MCUB: variants seen among roughly 807,000 people sequenced by gnomAD.
MCUB encodes the protein mitochondrial calcium uniporter dominant negative subunit beta, also known as calcium uniporter regulatory subunit MCUb, mitochondrial.
Under a neutral mutation model 41.4 loss-of-function variants are expected in MCUB, and 46 were observed. The ratio of observed to expected loss-of-function variants is 1.11; its 90% CI spans 0.88 to 1.42. The LOEUF (loss-of-function observed/expected upper bound fraction) is 1.42, where lower values mean the gene tolerates loss of function less well. MCUB is among the 40% of genes most tolerant of loss of function. The pLI is 0.00. For missense variants in MCUB, 403 were observed against 404.9 expected (o/e 1.00, Z 0.04); for synonymous variants, 148 against 148.2 (o/e 1.00, Z 0.01).
intron 1 of MCUB, among the ~76,000 whole-genome samples, chr4:109,608,963 G>C (rs778958405): frequency 6.6e-6 from 1 of 152,204 alleles, no homozygotes. Context: ...TTCAAGACTT[G>C]TAGAGGTACT....
intron 1 of MCUB, among the ~76,000 whole-genome samples, chr4:109,620,927 C>G (rs1475129075): frequency 6.6e-6 from 1 of 151,070 alleles, no homozygotes; most frequent in African/African-American, 2.4e-5. Context: ...AAGATGGAGT[C>G]TCTCTCTGTC....
At chr4:109,635,357 G>A (rs1055879295) in intron 1 of MCUB, among the ~76,000 whole-genome samples, 1 of 152,164 alleles carries the variant, frequency 6.6e-6, no homozygotes, top group South Asian at 2.1e-4. Context: ...ATATGCAAAT[G>A]CCAGGCATTA....
At position 109,646,138 on chromosome 4, in the gene MCUB, G is replaced by A. The variant is rs535174145; in HGVS notation, c.100-12873G>A. 8.4e-4 allele frequency among the ~76,000 whole-genome samples: 127 copies of A among 151,984 alleles called. 1 individual carries two copies. Among genetic ancestry groups the A allele is most frequent in the Non-Finnish European group, 1.5e-3 (102 of 67,976 alleles). On this transcript the variant is annotated intron_variant, in intron 1 of 7. Coordinates refer to ENST00000394650, the MANE Select transcript of MCUB (RefSeq NM_017918.5). ...TCACTCTTCAGCATACTACCATCTG[G>A]TTTCTGTCTCCAGCCCCTCAGCTTT...
At chr4:109,566,479 AAAAT>A (rs1292778458) in intron 1 of MCUB, among the ~76,000 whole-genome samples, 38 of 143,592 alleles carry the variant, frequency 2.6e-4, no homozygotes, top group African/African-American at 4.1e-4. Flanking sequence ...CAAAAAAAAA[AAAAT>A]AAATAAATAA....
chr4:109,649,374 A>G (rs1353933886), intron 1 of MCUB, among the ~76,000 whole-genome samples: 3 of 151,712 alleles, frequency 2.0e-5, no homozygotes, highest in Non-Finnish European at 4.4e-5. Context: ...CTCTTCATTT[A>G]GTTTTACATC....
At chr4:109,633,462 G>A (rs1200105008) in intron 1 of MCUB, among the ~76,000 whole-genome samples, 1 of 151,934 alleles carries the variant, frequency 6.6e-6, no homozygotes, top group African/African-American at 2.4e-5. Context: ...GTAGAGACAA[G>A]GTTTCACAGT....
intron 1 of MCUB, among the ~76,000 whole-genome samples, chr4:109,606,203 T>A (rs1727866772): frequency 6.6e-6 from 1 of 152,182 alleles, no homozygotes; most frequent in African/African-American, 2.4e-5. Context: ...CTCGATCTCC[T>A]GACCTCGTGA....
At chr4:109,659,209 T>G in intron 2 of MCUB, 123 bp downstream of exon 2, 1 of 634,496 alleles carries the variant, frequency 1.6e-6, no homozygotes, top group South Asian at 1.9e-5. Flanking sequence ...CACCCCACCC[T>G]GATTGGGTTC....
intron 4 of MCUB, chr4:109,674,033 G>T: frequency 7.6e-7 from 1 of 1,312,262 alleles, no homozygotes; most frequent in Admixed American, 1.7e-5. Flanking sequence ...ATCCACATGC[G>T]TGTGGTAGCC....
intron 1 of MCUB, among the ~76,000 whole-genome samples, chr4:109,586,442 A>G (rs983405461): frequency 9.9e-5 from 15 of 152,154 alleles, no homozygotes; most frequent in Non-Finnish European, 2.2e-4. Context: ...GACCTTCTGA[A>G]GCCTACTTCT....
At position 109,682,871 on chromosome 4, in the gene MCUB, G is replaced by GT. The variant is rs781215348; in HGVS notation, c.612+130dup. On this transcript the variant is annotated intron_variant, in intron 5 of 7. Coordinates refer to ENST00000394650, the MANE Select transcript of MCUB (RefSeq NM_017918.5). ...CTCCTTTACGCCTCACAAAAAACCT[G>GT]TAAGTTCAGTGCTTTTATCTTCCTC... The GT allele has an allele frequency of 4.4e-5, 28 of 634,978 alleles. No individual in the cohort carries two copies. The Middle Eastern group carries it at 7.9e-4, about 18-fold the overall frequency. The allele number at this position is 634,978 out of a possible 1,614,324, so 39.3% of individuals were successfully genotyped here.
chr4:109,676,291 C>A (rs1341541566), intron 4 of MCUB, among the ~76,000 whole-genome samples: 1 of 152,106 alleles, frequency 6.6e-6, no homozygotes, highest in African/African-American at 2.4e-5. Flanking sequence ...ATAATCCCGG[C>A]ACTTTAGGAG....
rs939641690 is a variant in MCUB at position 109,685,332 on chromosome 4, C to T, written c.898C>T (p.Gln300Ter). Residue 300 changes from glutamine to a stop codon, truncating the protein, a stop_gained, in exon 7 of 8, where the codon CAG (glutamine) becomes TAG (stop). Transcript: ENST00000394650. LOFTEE classifies it low-confidence loss of function (END_TRUNC). ...ATCAAAGCAACAGCACTTTGATGTG[C>T]AGCAATACAACAAGTTAAAAGAAGA... ...KKSKQQHFDV[Q>*]QYNKLKEDLA... is the part of the protein sequence containing the mutation. 4 of 1,577,164 alleles carry T rather than the reference C, an allele frequency of 2.5e-6. No individual in the cohort carries two copies. The highest frequency in any genetic ancestry group is 1.7e-5 in the Admixed American group (1 of 59,940).
chr4:109,624,464 G>T (rs1443419430), intron 1 of MCUB, among the ~76,000 whole-genome samples: 4 of 152,184 alleles, frequency 2.6e-5, no homozygotes, highest in Non-Finnish European at 5.9e-5. Context: ...AAAAAGTTTT[G>T]AAGACATGTG....
intron 1 of MCUB, among the ~76,000 whole-genome samples, chr4:109,582,150 G>A (rs10030482): frequency 0.018 from 2,725 of 151,946 alleles, 59 homozygotes; most frequent in South Asian, 0.071. Flanking sequence ...ATGATAGACC[G>A]GATTAAGAAA....
chr4:109,678,324 G>A (rs941734719), intron 4 of MCUB, among the ~76,000 whole-genome samples: 7 of 152,184 alleles, frequency 4.6e-5, no homozygotes, highest in South Asian at 4.1e-4. Flanking sequence ...CTCGATGGTC[G>A]CTGTCTCTTC....
At chr4:109,584,304 A>G (rs965447449) in intron 1 of MCUB, among the ~76,000 whole-genome samples, 1 of 152,048 alleles carries the variant, frequency 6.6e-6, no homozygotes, top group South Asian at 2.1e-4. Context: ...TATCCCCTTT[A>G]TCATTTTTTA....
chr4:109,658,478 G>A (rs1729155152), intron 1 of MCUB, among the ~76,000 whole-genome samples: 1 of 152,116 alleles, frequency 6.6e-6, no homozygotes. Context: ...TGTATTTTTA[G>A]TGGAGACAGG....
intron 1 of MCUB, among the ~76,000 whole-genome samples, chr4:109,638,336 A>C (rs1728638948): frequency 6.6e-6 from 1 of 152,044 alleles, no homozygotes; most frequent in African/African-American, 2.4e-5. Flanking sequence ...CAGCCTGGGC[A>C]ACAGAGCGAA....
Sources: gnomAD v4.1 joint callset for allele counts (sites outside exome capture counted in the v4.1 genomes callset) on GRCh38, gnomAD v4.1.1 for gene constraint, MANE v1.5 for transcripts, NCBI Gene and HGNC (gene_info 2026-07-23, HGNC 2026-07-21) for gene names.